Variants in GALNT13 observed in about 807,000 individuals in gnomAD.
GALNT13 encodes UDP-GalNAc:polypeptide N-acetylgalactosaminyltransferase 13.
Under a neutral mutation model 64.2 loss-of-function variants are expected in GALNT13, and 28 were observed. That is an observed-to-expected ratio of 0.44 (90% CI 0.32 to 0.60). The LOEUF (loss-of-function observed/expected upper bound fraction) is 0.60. Ranked by LOEUF, GALNT13 falls within the 20% of genes least tolerant of loss-of-function variation. The pLI is 0.05. For synonymous variants in GALNT13, 214 were observed against 224.6 expected (o/e 0.95, Z 0.42); for missense variants, 577 against 669.8 (o/e 0.86, Z 1.53).
chr2:154,198,577 G>A (rs543299552), intron 4 of GALNT13, among the ~76,000 whole-genome samples: 1 of 151,962 alleles, frequency 6.6e-6, no homozygotes, highest in African/African-American at 2.4e-5. Context: ...GAAAATGATT[G>A]TAACTTCTTT....
intron 3 of GALNT13, among the ~76,000 whole-genome samples, chr2:154,137,302 A>AAC (rs112665813): frequency 0.03 from 4,419 of 148,932 alleles, 99 homozygotes; most frequent in African/African-American, 0.06. Flanking sequence ...ACACAGGCAA[A>AAC]ACACACACAC....
the GALNT13 span, among the ~76,000 whole-genome samples, chr2:153,114,935 C>A: frequency 1.3e-5 from 2 of 152,216 alleles, no homozygotes; most frequent in South Asian, 4.1e-4. Context: ...CAGACAAATA[C>A]AAACCATGTG....
At chr2:153,210,610 A>T in the GALNT13 span, among the ~76,000 whole-genome samples, 18 of 151,782 alleles carry the variant, frequency 1.2e-4, no homozygotes, top group African/African-American at 4.4e-4. Flanking sequence ...TTGGTCGGTA[A>T]TTTTTTTGTG....
chr2:154,423,022 C>A (rs926898822), intron 11 of GALNT13, among the ~76,000 whole-genome samples: 4 of 151,858 alleles, frequency 2.6e-5, no homozygotes, highest in African/African-American at 9.7e-5. Flanking sequence ...ATTAATTCAT[C>A]ATTTACATTA....
At chr2:153,743,216 T>C in the GALNT13 span, among the ~76,000 whole-genome samples, 4 of 152,152 alleles carry the variant, frequency 2.6e-5, no homozygotes, top group African/African-American at 9.7e-5. Flanking sequence ...TCTCACCAAC[T>C]GTATGAGAAT....
the GALNT13 span, among the ~76,000 whole-genome samples, chr2:153,737,607 C>T: frequency 6.6e-6 from 1 of 151,992 alleles, no homozygotes; most frequent in African/African-American, 2.4e-5. Flanking sequence ...TCAAAGTCTT[C>T]CTTACATAAC....
the GALNT13 span, among the ~76,000 whole-genome samples, chr2:153,803,198 G>A: frequency 5.3e-5 from 8 of 152,190 alleles, no homozygotes; most frequent in African/African-American, 1.9e-4. Context: ...AAATTCAGAT[G>A]GATATTTTCA....
chr2:153,936,655 A>G (rs1218229678), intron 2 of GALNT13, among the ~76,000 whole-genome samples: 1 of 152,288 alleles, frequency 6.6e-6, no homozygotes, highest in South Asian at 2.1e-4. Context: ...AGGATTTACA[A>G]TTTATTTTAA....
chr2:153,719,295 C>G, the GALNT13 span, among the ~76,000 whole-genome samples: 1 of 152,138 alleles, frequency 6.6e-6, no homozygotes, highest in Non-Finnish European at 1.5e-5. Flanking sequence ...CTATAGTCCC[C>G]TCTAACTCAC....
the GALNT13 span, among the ~76,000 whole-genome samples, chr2:153,596,842 G>T: frequency 6.6e-6 from 1 of 151,882 alleles, no homozygotes; most frequent in Admixed American, 6.6e-5. Context: ...TTCTATTTCA[G>T]AATTTTAGGA....
At chr2:153,146,132 T>C in the GALNT13 span, among the ~76,000 whole-genome samples, 36 of 151,730 alleles carry the variant, frequency 2.4e-4, no homozygotes, top group Non-Finnish European at 3.7e-4. Context: ...TCTCCCTGAA[T>C]TTACTCCAAG....
At chr2:154,057,939 A>T (rs1478087354) in intron 3 of GALNT13, among the ~76,000 whole-genome samples, 2 of 152,206 alleles carry the variant, frequency 1.3e-5, no homozygotes, top group African/African-American at 4.8e-5. Flanking sequence ...CGTTTATTCA[A>T]CTAATATTTA....
intron 4 of GALNT13, among the ~76,000 whole-genome samples, chr2:154,193,559 C>A (rs956502180): frequency 2.6e-5 from 4 of 152,216 alleles, no homozygotes; most frequent in Non-Finnish European, 4.4e-5. Context: ...CCTCCAGATT[C>A]CTGGCCTGAT....
At chr2:153,350,052 C>G in the GALNT13 span, among the ~76,000 whole-genome samples, 1 of 152,116 alleles carries the variant, frequency 6.6e-6, no homozygotes, top group Admixed American at 6.6e-5. Flanking sequence ...TCACTCTTAC[C>G]GAGGTATAGT....
chr2:153,603,416 T>C, the GALNT13 span, among the ~76,000 whole-genome samples: 1 of 151,948 alleles, frequency 6.6e-6, no homozygotes, highest in Non-Finnish European at 1.5e-5. Flanking sequence ...TGAATTAGAT[T>C]CATTCTGGAA....
the GALNT13 span, among the ~76,000 whole-genome samples, chr2:153,829,343 G>A: frequency 2.0e-5 from 3 of 152,246 alleles, no homozygotes; most frequent in Admixed American, 2.0e-4. Flanking sequence ...TGGACTTACA[G>A]TTCCACATGG....
chr2:153,464,090 T>C, the GALNT13 span, among the ~76,000 whole-genome samples: 1 of 152,052 alleles, frequency 6.6e-6, no homozygotes, highest in Non-Finnish European at 1.5e-5. Context: ...ACCAGGTACC[T>C]GAAGATCAAT....
At chr2:154,238,165 A>G (rs989804056) in intron 4 of GALNT13, among the ~76,000 whole-genome samples, 1 of 152,050 alleles carries the variant, frequency 6.6e-6, no homozygotes, top group African/African-American at 2.4e-5. Flanking sequence ...AGGACTTTAT[A>G]GTACCAAGGA....
the GALNT13 span, among the ~76,000 whole-genome samples, chr2:153,631,392 C>A: frequency 6.2e-3 from 940 of 152,204 alleles, 6 homozygotes; most frequent in African/African-American, 0.021. Context: ...CCACACTGTC[C>A]TCCACAATGG....
Sources: allele counts gnomAD v4.1 joint callset (sites outside exome capture counted in the v4.1 genomes callset), GRCh38; gene constraint gnomAD v4.1.1; transcripts MANE v1.5; gene names NCBI Gene and HGNC (gene_info 2026-07-23, HGNC 2026-07-21).